FAT3: variants seen among roughly 807,000 people sequenced by gnomAD.
The protein encoded by FAT3 is protocadherin Fat 3.
In FAT3, 95 loss-of-function variants were observed where a neutral mutation model predicts 310.2. The observed-to-expected ratio is 0.31, with a 90% CI of 0.26 to 0.36. FAT3 has a LOEUF of 0.36. Among genes scored for constraint, FAT3 ranks in the 10% least tolerant of loss-of-function variants. The pLI is 1.00. For synonymous variants in FAT3, 2,314 were observed against 2,192.9 expected, an observed-to-expected ratio of 1.06 and a Z score of -1.54; for missense variants, 5,408 against 5,715.6, an observed-to-expected ratio of 0.95 and a Z score of 1.74.
chr11:92,481,852 C>A (rs1478206480), intron 2 of FAT3, among the ~76,000 whole-genome samples: 3 of 152,112 alleles, frequency 2.0e-5, no homozygotes, highest in East Asian at 3.8e-4. Flanking sequence ...ATCTTAAAAT[C>A]TGCATCTTTA....
intron 1 of FAT3, among the ~76,000 whole-genome samples, chr11:92,295,338 G>A (rs1195789768): frequency 1.3e-5 from 2 of 152,148 alleles, no homozygotes; most frequent in African/African-American, 2.4e-5. Context: ...TGCATTTAAA[G>A]TGACTTGGCC....
At chr11:92,670,544 G>T (rs1182858612) in intron 3 of FAT3, among the ~76,000 whole-genome samples, 2 of 152,172 alleles carry the variant, frequency 1.3e-5, no homozygotes, top group East Asian at 3.9e-4. Context: ...TGTTTGGGGG[G>T]ATGAGTTGTG....
At position 92,401,347 on chromosome 11, in the gene FAT3, C is replaced by G. The variant is rs114240267; in HGVS notation, c.3292+45943C>G. On this transcript the variant is annotated intron_variant, in intron 2 of 27. Coordinates refer to ENST00000525166, the MANE Select transcript of FAT3 (RefSeq NM_001367949.2). Reference sequence around the variant, plus strand: ...GGGATAGGGGCTTGAAGGGGAGTAGCCTTCGTGAAACCCTTCCTGACTCTT... The same window carrying G: ...GGGATAGGGGCTTGAAGGGGAGTAGGCTTCGTGAAACCCTTCCTGACTCTT... Among the ~76,000 whole-genome samples the G allele has an allele frequency of 8.0e-3, 1,220 of 152,216 alleles. 24 individuals carry two copies. The highest frequency in any genetic ancestry group is 0.028 in the African/African-American group (1,168 of 41,524).
At chr11:92,579,972 A>G (rs1281446761) in intron 3 of FAT3, among the ~76,000 whole-genome samples, 1 of 152,108 alleles carries the variant, frequency 6.6e-6, no homozygotes, top group Non-Finnish European at 1.5e-5. Context: ...GTAACCTAAT[A>G]ATTTGTCATA....
At chr11:92,480,320 G>A (rs1222113433) in intron 2 of FAT3, among the ~76,000 whole-genome samples, 1 of 152,124 alleles carries the variant, frequency 6.6e-6, no homozygotes, top group Admixed American at 6.5e-5. Context: ...ATTGGAGTAA[G>A]TTCAAAGACA....
At chr11:92,582,279 G>T (rs1022008955) in intron 3 of FAT3, among the ~76,000 whole-genome samples, 3 of 151,848 alleles carry the variant, frequency 2.0e-5, no homozygotes, top group Non-Finnish European at 2.9e-5. Flanking sequence ...CTGGGACTTA[G>T]AATGCTTTAA....
At chr11:92,483,518 A>AT (rs1952293228) in intron 2 of FAT3, among the ~76,000 whole-genome samples, 1 of 151,664 alleles carries the variant, frequency 6.6e-6, no homozygotes, top group Non-Finnish European at 1.5e-5. Flanking sequence ...TTTCTAACAT[A>AT]TTTTTGTGTA....
At chr11:92,794,395 C>T (rs951437360) in intron 9 of FAT3, among the ~76,000 whole-genome samples, 2 of 152,086 alleles carry the variant, frequency 1.3e-5, no homozygotes, top group Admixed American at 1.3e-4. Context: ...TTTCATGTCA[C>T]TGTAATTATT....
intron 1 of FAT3, among the ~76,000 whole-genome samples, chr11:92,331,973 A>G (rs769745120): frequency 2.6e-5 from 4 of 152,140 alleles, no homozygotes; most frequent in Non-Finnish European, 5.9e-5. Context: ...CTTCTTATCT[A>G]TCTACTCCCC....
chr11:92,403,615 A>G (rs1294299311), intron 2 of FAT3, among the ~76,000 whole-genome samples: 1 of 152,178 alleles, frequency 6.6e-6, no homozygotes, highest in East Asian at 1.9e-4. Flanking sequence ...GGTGGAGCTT[A>G]TTTCCAGGGG....
chr11:92,344,055 T>C (rs1055295179), intron 1 of FAT3, among the ~76,000 whole-genome samples: 1 of 152,160 alleles, frequency 6.6e-6, no homozygotes, highest in African/African-American at 2.4e-5. Flanking sequence ...GGATCCCAAA[T>C]TACATAGCAT....
chr11:92,744,428 A>G (rs1945594976), intron 4 of FAT3, among the ~76,000 whole-genome samples: 1 of 152,224 alleles, frequency 6.6e-6, no homozygotes, highest in South Asian at 2.1e-4. Context: ...CCCATCAAAC[A>G]TAATAAATGG....
intron 2 of FAT3, among the ~76,000 whole-genome samples, chr11:92,444,662 G>A (rs964184752): frequency 2.2e-5 from 3 of 138,006 alleles, no homozygotes; most frequent in Non-Finnish European, 4.6e-5. Flanking sequence ...ATATTACTGG[G>A]GGGGGGGGAA....
chr11:92,725,130 A>G (rs1038091001), intron 4 of FAT3, among the ~76,000 whole-genome samples: 4 of 152,220 alleles, frequency 2.6e-5, no homozygotes, highest in Non-Finnish European at 4.4e-5. Flanking sequence ...TACCTACCAA[A>G]AGGAAAATCA....
At chr11:92,608,302 T>C (rs1940398616) in intron 3 of FAT3, among the ~76,000 whole-genome samples, 1 of 152,174 alleles carries the variant, frequency 6.6e-6, no homozygotes, top group African/African-American at 2.4e-5. Flanking sequence ...TTCTGATGGG[T>C]TTTATGTTAC....
intron 2 of FAT3, among the ~76,000 whole-genome samples, chr11:92,460,801 T>G (rs1330482554): frequency 6.6e-6 from 1 of 152,212 alleles, no homozygotes; most frequent in East Asian, 1.9e-4. Flanking sequence ...AGCTGAAGTA[T>G]AATTATGTTG....
At position 92,656,058 on chromosome 11, in the gene FAT3, C is replaced by T. The variant is rs565698757; in HGVS notation, c.3608-41326C>T. 4.6e-5 allele frequency among the ~76,000 whole-genome samples: 7 copies of T among 152,274 alleles called. No individual in the cohort carries two copies. In the South Asian group the frequency reaches 6.2e-4, roughly 14 times the overall value. On this transcript the variant is annotated intron_variant, in intron 3 of 27. Coordinates refer to ENST00000525166, the MANE Select transcript of FAT3 (RefSeq NM_001367949.2). Reference sequence around the variant, plus strand: ...AGATACTTGAAATATTTGCCCATCTCGCTGCCAGAGGCCCACAGAGTTTTG... The same window carrying T: ...AGATACTTGAAATATTTGCCCATCTTGCTGCCAGAGGCCCACAGAGTTTTG...
rs1283509944 is a variant in FAT3 at position 92,632,302 on chromosome 11, A to G, written c.3608-65082A>G. ...CAGGAAAATATAAAAATCTAGAGTC[A>G]CTCAGTATTTTTTATCTTTCCTGCT... On this transcript the variant is annotated intron_variant, in intron 3 of 27. Coordinates refer to ENST00000525166, the MANE Select transcript of FAT3 (RefSeq NM_001367949.2). Among the ~76,000 whole-genome samples the G allele has an allele frequency of 2.6e-5, 3 of 114,886 alleles. No homozygotes were observed. In the East Asian group the frequency reaches 6.9e-4, roughly 27 times the overall value. The allele number at this position is 114,886 out of a possible 152,430, so 75.4% of individuals were successfully genotyped here. A position where few individuals can be genotyped will look rare whatever the true frequency, so the allele number is the denominator to read the frequency against.
chr11:92,842,790 G>A (rs1477387511), intron 18 of FAT3, among the ~76,000 whole-genome samples: 1 of 152,204 alleles, frequency 6.6e-6, no homozygotes, highest in African/African-American at 2.4e-5. Flanking sequence ...GAGGTGGGAG[G>A]ATCACTTGAG....
Sources: gnomAD v4.1 joint callset for allele counts (sites outside exome capture counted in the v4.1 genomes callset) on GRCh38, gnomAD v4.1.1 for gene constraint, MANE v1.5 for transcripts, NCBI Gene and HGNC (gene_info 2026-07-23, HGNC 2026-07-21) for gene names.